Variants in CNTLN observed in about 807,000 individuals in gnomAD.
CNTLN encodes centlein.
In CNTLN, 212 loss-of-function variants were observed where a neutral mutation model predicts 180.0. The observed-to-expected ratio is 1.18, with a 90% CI of 1.05 to 1.32. The LOEUF (loss-of-function observed/expected upper bound fraction) is 1.32, where lower values mean the gene tolerates loss of function less well. Ranked by LOEUF, CNTLN falls within the 40% of genes most tolerant of loss-of-function variation. The pLI, the probability that CNTLN is intolerant of heterozygous loss-of-function variation, is 0.00. For missense variants in CNTLN, 2,095 were observed against 1,610.9 expected (o/e 1.30, Z -5.14); for synonymous variants, 722 against 563.1 (o/e 1.28, Z -3.99).
intron 18 of CNTLN, among the ~76,000 whole-genome samples, chr9:17,424,982 A>T (rs958552675): frequency 6.6e-6 from 1 of 152,216 alleles, no homozygotes; most frequent in Non-Finnish European, 1.5e-5. Flanking sequence ...TAAGACGGAT[A>T]TCACATGAAA....
the CNTLN span, among the ~76,000 whole-genome samples, chr9:17,523,283 C>T: frequency 1.3e-5 from 2 of 152,178 alleles, no homozygotes; most frequent in African/African-American, 2.4e-5. Flanking sequence ...GTGGCCCAGG[C>T]TGGAGTGCAG....
chr9:17,221,648 A>G (rs1226516265), intron 2 of CNTLN, among the ~76,000 whole-genome samples: 1 of 152,064 alleles, frequency 6.6e-6, no homozygotes, highest in Non-Finnish European at 1.5e-5. Flanking sequence ...CATGATGACA[A>G]TGATCTTGTA....
At chr9:17,180,191 G>A (rs1287055984) in intron 2 of CNTLN, among the ~76,000 whole-genome samples, 2 of 145,202 alleles carry the variant, frequency 1.4e-5, no homozygotes, top group African/African-American at 2.5e-5. Context: ...GCATTTACGT[G>A]TGTCATTTTG....
Position 17,135,313 on chromosome 9 carries a change from C to T in CNTLN, c.248C>T (p.Pro83Leu). The T allele has an allele frequency of 3.1e-6, 5 of 1,601,854 alleles. No individual in the cohort carries two copies. The highest frequency in any genetic ancestry group is 4.3e-6 in the Non-Finnish European group (5 of 1,175,120). The change falls in exon 1 of 26, where the codon CCC becomes CTC. Residue 83 changes from proline (P) to leucine (L), a missense_variant. Physicochemically the swap from Pro to Leu is moderately conservative, Grantham distance 98 (BLOSUM62 -3). Coordinates refer to ENST00000380647, the MANE Select transcript of CNTLN (RefSeq NM_017738.4). ...GCTCATGCTCCCCTCCTCAGCGCGC[C>T]CATGGGGTCCAGACGGCTAGAGGGC... ...APAHAPLLSAPMGSRRLEGIS... is the reference protein window; with the variant it reads ...APAHAPLLSALMGSRRLEGIS...
At chr9:17,260,280 G>T (rs145000432) in intron 5 of CNTLN, among the ~76,000 whole-genome samples, 4 of 150,258 alleles carry the variant, frequency 2.7e-5, no homozygotes, top group African/African-American at 5.0e-5. Context: ...ATGTAGTTGA[G>T]CGGTTTTGAG....
chr9:17,203,978 C>G (rs1308020382), intron 2 of CNTLN, among the ~76,000 whole-genome samples: 2 of 152,226 alleles, frequency 1.3e-5, no homozygotes, highest in Non-Finnish European at 2.9e-5. Context: ...GTTTGCTTCA[C>G]AAAGTTCTTG....
At chr9:17,397,884 T>TCA (rs1168227994) in intron 15 of CNTLN, among the ~76,000 whole-genome samples, 2 of 152,188 alleles carry the variant, frequency 1.3e-5, no homozygotes, top group African/African-American at 4.8e-5. Context: ...CAGAATGCCT[T>TCA]CAAGAGTCAC....
Position 17,143,373 on chromosome 9 carries a change from A to C in CNTLN, c.446A>C (p.Glu149Ala). 6.2e-7 allele frequency: 1 copy of C among 1,611,944 alleles called. No individual in the cohort carries two copies. The highest frequency in any genetic ancestry group is 1.1e-5 in the South Asian group (1 of 90,838). ...ACACAAGTGGTCAGTTTGGTTGTGG[A>C]AAGGTGAGCTCTCAAATTATTTTTT... ...DLTQVVSLVVEREKQKSEAKD... is the reference protein window; with the variant it reads ...DLTQVVSLVVAREKQKSEAKD... The change falls in exon 2 of 26, where the codon GAA becomes GCA. Residue 149 changes from glutamate (E) to alanine (A), a missense_variant. Glu to Ala is a moderately radical substitution (Grantham distance 107, BLOSUM62 -1). Coordinates refer to ENST00000380647, the MANE Select transcript of CNTLN (RefSeq NM_017738.4).
chr9:17,465,238 A>G (rs1395036306), intron 21 of CNTLN, among the ~76,000 whole-genome samples: 1 of 150,536 alleles, frequency 6.6e-6, no homozygotes, highest in Middle Eastern at 3.2e-3. Flanking sequence ...CCTTGTTGAA[A>G]ATGAAAATTT....
At chr9:17,183,186 A>T (rs1224538665) in intron 2 of CNTLN, among the ~76,000 whole-genome samples, 1 of 152,218 alleles carries the variant, frequency 6.6e-6, no homozygotes, top group Non-Finnish European at 1.5e-5. Context: ...TATCATTTAC[A>T]TATTTTTTTG....
At chr9:17,138,866 G>A (rs1554640310) in intron 1 of CNTLN, among the ~76,000 whole-genome samples, 1 of 152,088 alleles carries the variant, frequency 6.6e-6, no homozygotes, top group Non-Finnish European at 1.5e-5. Context: ...GGGTGTCTGT[G>A]TTTGTATAGA....
chr9:17,494,283 C>T (rs949819467), intron 25 of CNTLN, among the ~76,000 whole-genome samples: 1 of 152,178 alleles, frequency 6.6e-6, no homozygotes, highest in Admixed American at 6.5e-5. Flanking sequence ...ATACAGTCAT[C>T]ACTGCATGAG....
intron 5 of CNTLN, among the ~76,000 whole-genome samples, chr9:17,268,252 T>G (rs201623491): frequency 6.6e-6 from 1 of 152,198 alleles, no homozygotes; most frequent in Non-Finnish European, 1.5e-5. Flanking sequence ...TTTCCTTCTA[T>G]CAGACAGGAC....
intron 2 of CNTLN, among the ~76,000 whole-genome samples, chr9:17,177,668 G>C (rs1439411197): frequency 1.3e-5 from 2 of 151,934 alleles, no homozygotes; most frequent in South Asian, 4.2e-4. Flanking sequence ...TCTTAAGGCA[G>C]CACATCCGGA....
chr9:17,428,208 C>T (rs1829210072), intron 18 of CNTLN, among the ~76,000 whole-genome samples: 1 of 152,042 alleles, frequency 6.6e-6, no homozygotes, highest in Non-Finnish European at 1.5e-5. Context: ...AGTCCTCTTG[C>T]ACTTTTCAAC....
intron 18 of CNTLN, among the ~76,000 whole-genome samples, chr9:17,455,563 A>G (rs573751238): frequency 1.1e-3 from 174 of 152,302 alleles, no homozygotes; most frequent in South Asian, 8.7e-3. Context: ...AGTATAACAA[A>G]TGAGAGAAGC....
the CNTLN span, among the ~76,000 whole-genome samples, chr9:17,519,696 T>C: frequency 6.6e-6 from 1 of 152,206 alleles, no homozygotes; most frequent in East Asian, 1.9e-4. Context: ...TTTATTGGAT[T>C]TGAGTGACCT....
intron 23 of CNTLN, among the ~76,000 whole-genome samples, chr9:17,476,243 C>G (rs1832337150): frequency 6.6e-6 from 1 of 152,086 alleles, no homozygotes; most frequent in Non-Finnish European, 1.5e-5. Flanking sequence ...TATGTGTGTT[C>G]TGACTGTTCC....
At chr9:17,260,518 T>C (rs1330432724) in intron 5 of CNTLN, among the ~76,000 whole-genome samples, 1 of 151,312 alleles carries the variant, frequency 6.6e-6, no homozygotes, top group East Asian at 1.9e-4. Flanking sequence ...TCATTTGTTT[T>C]TTTGCTTGTT....
Sources: allele counts gnomAD v4.1 joint callset (sites outside exome capture counted in the v4.1 genomes callset), GRCh38; gene constraint gnomAD v4.1.1; transcripts MANE v1.5; gene names NCBI Gene and HGNC (gene_info 2026-07-23, HGNC 2026-07-21).